MIAT: variants seen among roughly 807,000 people sequenced by gnomAD.
The protein encoded by MIAT is MI related novel mRNA.
downstream of MIAT, chr22:26,674,034 C>T (rs1931168430): frequency 2.5e-6 from 1 of 398,634 alleles, no homozygotes; most frequent in Admixed American, 4.4e-5. Flanking sequence ...GAGCATATGC[C>T]ATTTTGTATA....
intron 2 of MIAT, chr22:26,657,665 G>A (rs1408633431): frequency 5.0e-6 from 2 of 398,632 alleles, no homozygotes; most frequent in Non-Finnish European, 4.4e-6. Context: ...GTAAGACGTC[G>A]CCCCATCCTA....
chr22:26,672,563 G>A (rs1485188132), downstream of MIAT: 1 of 399,308 alleles, frequency 2.5e-6, no homozygotes, highest in Non-Finnish European at 4.4e-6. Context: ...TCTAGACTGT[G>A]GAGCTCTGAG....
chr22:26,664,522 A>C (rs77363642), intron 3 of MIAT, among the ~76,000 whole-genome samples: 5,336 of 152,236 alleles, frequency 0.035, 317 homozygotes, highest in African/African-American at 0.12. Context: ...CATCCCATCC[A>C]TAACCCCAGG....
chr22:26,661,136 C>T (rs957129740), intron 2 of MIAT, among the ~76,000 whole-genome samples: 3 of 152,164 alleles, frequency 2.0e-5, no homozygotes, highest in African/African-American at 4.8e-5. Context: ...GTTCGAGCAG[C>T]GTGTTTCTGG....
chr22:26,674,275 G>C (rs141754412), downstream of MIAT: 57 of 398,654 alleles, frequency 1.4e-4, no homozygotes, highest in East Asian at 1.9e-3. Flanking sequence ...GAGTTTTTCT[G>C]GAAGGGACTT....
At chr22:26,649,531 A>AT (rs1930298974) in intron 2 of MIAT, among the ~76,000 whole-genome samples, 1 of 152,190 alleles carries the variant, frequency 6.6e-6, no homozygotes, top group Non-Finnish European at 1.5e-5. Flanking sequence ...TGTCAATTGG[A>AT]TGAGGGCACA....
At chr22:26,649,740 C>T (rs1602353198) in intron 2 of MIAT, among the ~76,000 whole-genome samples, 1 of 152,196 alleles carries the variant, frequency 6.6e-6, no homozygotes, top group East Asian at 1.9e-4. Context: ...TGGTGAAACC[C>T]CGTCTCTACT....
chr22:26,670,806 T>C (rs563561437), downstream of MIAT: 3 of 398,498 alleles, frequency 7.5e-6, no homozygotes, highest in Admixed American at 1.3e-4. Flanking sequence ...TGGGAGATGC[T>C]AGGCTGGGGT....
intron 2 of MIAT, among the ~76,000 whole-genome samples, chr22:26,658,553 G>C (rs561990872): frequency 1.3e-5 from 2 of 152,290 alleles, no homozygotes; most frequent in South Asian, 4.1e-4. Flanking sequence ...GGAGAGGCTG[G>C]GGATTTGGGA....
downstream of MIAT, chr22:26,671,025 C>T (rs1018760352): frequency 1.5e-5 from 6 of 397,598 alleles, no homozygotes; most frequent in African/African-American, 2.1e-5. Context: ...GCCTGACAGT[C>T]GGTGATGGAA....
chr22:26,647,404 A>ATT (rs1930253959), intron 2 of MIAT: 1 of 363,694 alleles, frequency 2.7e-6, no homozygotes, highest in African/African-American at 2.1e-5. Flanking sequence ...AGAGAGAGAG[A>ATT]GAGAGAGAGA....
intron 3 of MIAT, chr22:26,665,361 A>G (rs918701014): frequency 1.1e-4 from 43 of 397,856 alleles, no homozygotes; most frequent in Non-Finnish European, 1.7e-4. Flanking sequence ...AGGTTTCTCT[A>G]GCCCCAAAGC....
At chr22:26,663,254 C>G (rs1011490536) in intron 2 of MIAT, 11 of 398,370 alleles carry the variant, frequency 2.8e-5, no homozygotes, top group African/African-American at 2.1e-4. Context: ...CATCTATTCT[C>G]CACTGTACCC....
At chr22:26,652,203 G>A (rs1569217276) in intron 2 of MIAT, among the ~76,000 whole-genome samples, 2 of 151,888 alleles carry the variant, frequency 1.3e-5, no homozygotes, top group Non-Finnish European at 2.9e-5. Flanking sequence ...GCCGGGGGTC[G>A]ATCTCATTAT....
downstream of MIAT, chr22:26,673,106 C>T (rs1413207626): frequency 7.5e-6 from 3 of 398,518 alleles, no homozygotes; most frequent in Non-Finnish European, 1.3e-5. Flanking sequence ...GCAGCTTTAC[C>T]CCGGGCTCGG....
intron 2 of MIAT, among the ~76,000 whole-genome samples, chr22:26,662,041 C>G (rs1283709512): frequency 6.6e-6 from 1 of 150,732 alleles, no homozygotes; most frequent in Non-Finnish European, 1.5e-5. Flanking sequence ...ACTGCAGCCT[C>G]TACCTCCTGG....
At chr22:26,651,607 G>A (rs890115962) in intron 2 of MIAT, among the ~76,000 whole-genome samples, 11 of 152,202 alleles carry the variant, frequency 7.2e-5, no homozygotes, top group African/African-American at 2.2e-4. Context: ...TCATAGCAGC[G>A]CTATTCAGAT....
chr22:26,668,486 G>C (rs1381079318), exon 6 of MIAT: 1 of 398,754 alleles, frequency 2.5e-6, no homozygotes, highest in Non-Finnish European at 4.4e-6. Context: ...GGGTCTGGGG[G>C]CCCTTTCCTG....
At chr22:26,668,390 G>A in exon 6 of MIAT, 1 of 398,782 alleles carries the variant, frequency 2.5e-6, no homozygotes, top group Non-Finnish European at 4.4e-6. Context: ...GGCTCTGGAG[G>A]ACAGCTCCAG....
Sources: gnomAD v4.1 joint callset for allele counts (sites outside exome capture counted in the v4.1 genomes callset) on GRCh38, gnomAD v4.1.1 for gene constraint, MANE v1.5 for transcripts, NCBI Gene and HGNC (gene_info 2026-07-23, HGNC 2026-07-21) for gene names.